The following MTPN variants were observed in gnomAD, a reference collection of about 807,000 sequenced individuals.
MTPN encodes the protein granule cell differentiation protein.
In MTPN, 2 loss-of-function variants were observed where a neutral mutation model predicts 13.5. That is an observed-to-expected ratio of 0.15 (90% CI 0.06 to 0.47). MTPN has a LOEUF of 0.47. Ranked by LOEUF, MTPN falls within the 20% of genes least tolerant of loss-of-function variation. The pLI is 0.97. For synonymous variants in MTPN, 46 were observed against 51.7 expected, an observed-to-expected ratio of 0.89 and a Z score of 0.48; for missense variants, 79 against 137.9, an observed-to-expected ratio of 0.57 and a Z score of 2.14.
At chr7:135,940,461 T>C (rs1460829041) in intron 3 of MTPN, among the ~76,000 whole-genome samples, 1 of 152,198 alleles carries the variant, frequency 6.6e-6, no homozygotes, top group Admixed American at 6.5e-5. Flanking sequence ...AACACAGTGA[T>C]TGTTACCTCC....
In MTPN at chr7:135,954,739, G is replaced by C. The variant is rs544135505; in HGVS notation, c.73-3109C>G. On this transcript the variant is annotated intron_variant, in intron 1 of 3. Transcript: ENST00000393085. ...GGGAGGATCACGAGGTCAGGAGATCGAGACCATCCTTGCTAACACGGTGAA... is the reference window on the plus strand; with the variant it reads ...GGGAGGATCACGAGGTCAGGAGATCCAGACCATCCTTGCTAACACGGTGAA... Among the ~76,000 whole-genome samples, 3 of 152,188 alleles carry C rather than the reference G, an allele frequency of 2.0e-5. No homozygotes were observed. The East Asian group carries it at 5.8e-4, about 29-fold the overall frequency.
intron 3 of MTPN, among the ~76,000 whole-genome samples, chr7:135,948,708 A>G (rs1228624396): frequency 1.3e-5 from 2 of 152,232 alleles, no homozygotes; most frequent in African/African-American, 2.4e-5. Flanking sequence ...TGGGTTCTCT[A>G]TAGAATAAAA....
At chr7:135,931,885 GT>G (rs1584803955) in intron 3 of MTPN, among the ~76,000 whole-genome samples, 1 of 152,088 alleles carries the variant, frequency 6.6e-6, no homozygotes, top group African/African-American at 2.4e-5. Context: ...GGTATGTGAT[GT>G]TTTGATACAG....
At chr7:135,967,759 A>G (rs1201922688) in intron 1 of MTPN, among the ~76,000 whole-genome samples, 1 of 152,158 alleles carries the variant, frequency 6.6e-6, no homozygotes, top group Non-Finnish European at 1.5e-5. Flanking sequence ...ATTTTCACCA[A>G]TTGAAGAAAC....
At chr7:135,932,839 C>T (rs1799045477) in intron 3 of MTPN, 1 of 152,076 alleles carries the variant, frequency 6.6e-6, no homozygotes, top group African/African-American at 2.4e-5. Flanking sequence ...GCTGTAATCC[C>T]AGCACTCTGG....
At chr7:135,971,543 G>T (rs1799693732) in intron 1 of MTPN, among the ~76,000 whole-genome samples, 1 of 152,172 alleles carries the variant, frequency 6.6e-6, no homozygotes, top group Non-Finnish European at 1.5e-5. Flanking sequence ...AACTCCTTCA[G>T]AACCCAAGGA....
chr7:135,972,961 C>A (rs1799718039), intron 1 of MTPN, among the ~76,000 whole-genome samples: 1 of 151,688 alleles, frequency 6.6e-6, no homozygotes, highest in Non-Finnish European at 1.5e-5. Flanking sequence ...AAGGAAGAAA[C>A]AGGATGGCAG....
rs1798933937 is a variant in MTPN, at chr7:135,927,236, G to C, written c.*2690C>G. The C allele has an allele frequency of 1.4e-6, 2 of 1,448,528 alleles. No homozygotes were observed. The highest frequency in any genetic ancestry group is 5.1e-5 in the East Asian group (2 of 39,416). The allele number at this position is 1,448,528 out of a possible 1,614,324, so 89.7% of individuals were successfully genotyped here. ...TACTTGTTTGCAGCTTCCACACACT[G>C]CACCTACCTACTACCTCTCTTCCAT... On this transcript the variant is annotated 3_prime_UTR_variant, in exon 4 of 4. Coordinates refer to ENST00000393085, the MANE Select transcript of MTPN (RefSeq NM_145808.4).
chr7:135,943,723 T>C (rs912882556), intron 3 of MTPN, among the ~76,000 whole-genome samples: 3 of 152,190 alleles, frequency 2.0e-5, no homozygotes, highest in Non-Finnish European at 2.9e-5. Context: ...ATATTATATA[T>C]AGTTGTTGTT....
intron 3 of MTPN, among the ~76,000 whole-genome samples, chr7:135,942,140 C>T (rs181791365): frequency 1.3e-5 from 2 of 152,162 alleles, no homozygotes; most frequent in East Asian, 1.9e-4. Context: ...CCGCCCGCCT[C>T]GGCCTCCCAA....
At chr7:135,945,243 T>C (rs7794802) in intron 3 of MTPN, among the ~76,000 whole-genome samples, 3,148 of 152,288 alleles carry the variant, frequency 0.021, 40 homozygotes, top group Middle Eastern at 0.044. Context: ...CACACTACTA[T>C]AGACTTTACA....
In MTPN at chr7:135,977,333, C is replaced by A; in HGVS notation, c.-233G>T. 1.8e-6 allele frequency: 1 copy of A among 568,378 alleles called. No individual in the cohort carries two copies. The highest frequency in any genetic ancestry group is 3.2e-6 in the Non-Finnish European group (1 of 316,926). The allele number at this position is 568,378 out of a possible 1,614,324, so 35.2% of individuals were successfully genotyped here. On this transcript the variant is annotated 5_prime_UTR_variant, in exon 1 of 4. Transcript: ENST00000393085. ...GCCCAGCAGAGAGGTTCCGCCTGGC[C>A]GAGGAGAGGCAGGAACCTTTACACT...
At chr7:135,946,833 C>A (rs1799295260) in intron 3 of MTPN, among the ~76,000 whole-genome samples, 1 of 152,150 alleles carries the variant, frequency 6.6e-6, no homozygotes. Flanking sequence ...TTGGCCTCTC[C>A]ACAGACTGCT....
chr7:135,944,950 G>C (rs1183007203), intron 3 of MTPN, among the ~76,000 whole-genome samples: 2 of 152,110 alleles, frequency 1.3e-5, no homozygotes, highest in African/African-American at 4.8e-5. Flanking sequence ...CATAAACCTA[G>C]ATGGTATGGC....
At chr7:135,957,403 C>G (rs1202300727) in intron 1 of MTPN, among the ~76,000 whole-genome samples, 1 of 151,870 alleles carries the variant, frequency 6.6e-6, no homozygotes, top group African/African-American at 2.4e-5. Context: ...CCAAATGGAA[C>G]CCAAGAAAGG....
chr7:135,928,771 T>G lies in MTPN; in HGVS notation c.*1155A>C, dbSNP rs2116332257. 1 of 167,186 alleles carries G rather than the reference T, an allele frequency of 6.0e-6. No homozygotes were observed. Among genetic ancestry groups the G allele is most frequent in the East Asian group, 1.9e-4 (1 of 5,194 alleles). The allele number at this position is 167,186 out of a possible 1,614,324, so 10.4% of individuals were successfully genotyped here. A position where few individuals can be genotyped will look rare whatever the true frequency, so the allele number is the denominator to read the frequency against. ...AAGTTGTCACACTTTATGTAATGCA[T>G]GATTTATAAAAGCAACAAAAATATA... On this transcript the variant is annotated 3_prime_UTR_variant, in exon 4 of 4. Coordinates refer to ENST00000393085, the MANE Select transcript of MTPN (RefSeq NM_145808.4).
At chr7:135,971,959 C>T (rs1034413247) in intron 1 of MTPN, among the ~76,000 whole-genome samples, 5 of 152,126 alleles carry the variant, frequency 3.3e-5, no homozygotes, top group African/African-American at 7.2e-5. Context: ...CTTATGGACA[C>T]GTCTTGAGTA....
At chr7:135,950,708 T>G in intron 2 of MTPN, 26 bp from the exon 3 acceptor site, 2 of 1,523,024 alleles carry the variant, frequency 1.3e-6, no homozygotes, top group Non-Finnish European at 1.8e-6. Flanking sequence ...CAGAGATAAC[T>G]TTATCTGTTT....
chr7:135,932,485 C>T (rs1484612395), intron 3 of MTPN: 2 of 151,990 alleles, frequency 1.3e-5, no homozygotes, highest in Non-Finnish European at 2.9e-5. Context: ...TATATGTCAC[C>T]TTTTTCCTAA....
Sources: gnomAD v4.1 joint callset for allele counts (sites outside exome capture counted in the v4.1 genomes callset) on GRCh38, gnomAD v4.1.1 for gene constraint, MANE v1.5 for transcripts, NCBI Gene and HGNC (gene_info 2026-07-23, HGNC 2026-07-21) for gene names.